Variants in DMD observed in about 807,000 individuals in gnomAD.
DMD encodes mutant dystrophin.
DMD carries 63 observed loss-of-function variants against 330.1 expected under a neutral mutation model. The ratio of observed to expected loss-of-function variants is 0.19; its 90% confidence interval spans 0.16 to 0.24. The LOEUF (loss-of-function observed/expected upper bound fraction) is 0.24. Ranked by LOEUF, DMD falls within the 10% of genes least tolerant of loss-of-function variation. DMD has a pLI of 1.00. For missense variants in DMD, 3,344 were observed against 2,684.1 expected, an observed-to-expected ratio of 1.25 and a Z score of -5.43; for synonymous variants, 1,223 against 959.8, an observed-to-expected ratio of 1.27 and a Z score of -5.07.
At chrX:32,858,361 C>T (rs1263833628) in intron 2 of DMD, among the ~76,000 whole-genome samples, 2 of 112,204 alleles carry the variant, frequency 1.8e-5, no homozygotes, top group Non-Finnish European at 3.8e-5. Flanking sequence ...GACAGAGTCT[C>T]GCTCTGTTGC....
Position 32,958,845 on chromosome X carries a change from G to A in DMD, c.93+61294C>T, listed in dbSNP as rs1056786895. The stretch of plus-strand genomic sequence containing the variant: ...TTGTAACCAGAACTTACATTATTAC[G>A]ATTGCAATATACATTATTACCAACC... On this transcript the variant is annotated intron_variant, in intron 2 of 78. Coordinates refer to ENST00000357033, the MANE Select transcript of DMD (RefSeq NM_004006.3). 7.5e-4 allele frequency among the ~76,000 whole-genome samples: 83 copies of A among 110,117 alleles called. 1 individual carries two copies. Among genetic ancestry groups the A allele is most frequent in the African/African-American group, 2.3e-3 (69 of 30,318 alleles).
At chrX:32,560,292 A>C (rs777617184) in intron 16 of DMD, among the ~76,000 whole-genome samples, 1 of 110,948 alleles carries the variant, frequency 9.0e-6, no homozygotes, top group Non-Finnish European at 1.9e-5. Flanking sequence ...GCGTAATATG[A>C]TAATTACAAT....
At chrX:32,338,682 T>C (rs533075270) in intron 41 of DMD, among the ~76,000 whole-genome samples, 1 of 111,540 alleles carries the variant, frequency 9.0e-6, no homozygotes, top group South Asian at 3.7e-4. Flanking sequence ...TGTAAGCTTA[T>C]GTTCCTTAGC....
At chrX:33,222,519 C>T (rs548509049) in intron 1 of DMD, among the ~76,000 whole-genome samples, 3 of 112,383 alleles carry the variant, frequency 2.7e-5, no homozygotes, top group East Asian at 2.8e-4. Context: ...CTCTTATTCA[C>T]GTACTGCTAC....
chrX:31,584,278 G>T (rs2076482872), intron 55 of DMD, among the ~76,000 whole-genome samples: 1 of 108,643 alleles, frequency 9.2e-6, no homozygotes, highest in Non-Finnish European at 1.9e-5. Flanking sequence ...CCCCCGACAG[G>T]CCTCAGTGTG....
At chrX:31,842,093 G>A (rs1156984802) in intron 48 of DMD, among the ~76,000 whole-genome samples, 2 of 111,716 alleles carry the variant, frequency 1.8e-5, no homozygotes, top group African/African-American at 6.5e-5. Flanking sequence ...CATAGAAAGA[G>A]GTAAATATCA....
intron 2 of DMD, among the ~76,000 whole-genome samples, chrX:32,878,597 A>C (rs1186448222): frequency 9.0e-6 from 1 of 111,644 alleles, no homozygotes; most frequent in African/African-American, 3.3e-5. Flanking sequence ...AAAATCTCTA[A>C]AAAAGTTGTG....
At chrX:31,545,026 G>A (rs932216688) in intron 55 of DMD, among the ~76,000 whole-genome samples, 10 of 111,947 alleles carry the variant, frequency 8.9e-5, no homozygotes, top group African/African-American at 3.2e-4. Flanking sequence ...CCTAGATGTG[G>A]TTTACTCTTA....
intron 1 of DMD, among the ~76,000 whole-genome samples, chrX:33,328,481 C>T (rs1285981534): frequency 1.8e-5 from 2 of 111,423 alleles, no homozygotes; most frequent in African/African-American, 6.5e-5. Context: ...CAGGCATGAG[C>T]CACCACGCCC....
chrX:32,556,743 T>C (rs749489341), intron 16 of DMD, among the ~76,000 whole-genome samples: 2 of 112,074 alleles, frequency 1.8e-5, no homozygotes, highest in East Asian at 5.6e-4. Flanking sequence ...CTGATATTCT[T>C]AATTGAAACT....
intron 1 of DMD, among the ~76,000 whole-genome samples, chrX:33,143,746 C>T (rs762591594): frequency 3.6e-5 from 4 of 111,548 alleles, no homozygotes; most frequent in African/African-American, 9.8e-5. Context: ...GAAAATTAAC[C>T]GAATGATATT....
chrX:32,922,791 AGCATAAAAAG>A (rs780434625), intron 2 of DMD, among the ~76,000 whole-genome samples: 2 of 112,055 alleles, frequency 1.8e-5, no homozygotes, highest in Admixed American at 9.4e-5. Context: ...TGGGGAGAAC[AGCATAAAAAG>A]GCAGCATTTC....
chrX:32,334,955 A>G (rs779365851), intron 41 of DMD, among the ~76,000 whole-genome samples: 1 of 111,269 alleles, frequency 9.0e-6, no homozygotes, highest in Non-Finnish European at 1.9e-5. Context: ...AGTGAGTTCA[A>G]GTTTGGCGTC....
intron 67 of DMD, among the ~76,000 whole-genome samples, chrX:31,186,280 G>T (rs989159863): frequency 9.8e-5 from 11 of 112,102 alleles, no homozygotes; most frequent in African/African-American, 2.6e-4. Flanking sequence ...ACTGAATAAA[G>T]AAAACGTGGT....
intron 9 of DMD, among the ~76,000 whole-genome samples, chrX:32,664,308 A>C (rs1209658123): frequency 4.0e-5 from 4 of 100,327 alleles, no homozygotes; most frequent in Non-Finnish European, 6.0e-5. Flanking sequence ...GTAGCGCGAT[A>C]TCCGCTCACT....
At chrX:31,636,777 C>T (rs779914663) in intron 54 of DMD, among the ~76,000 whole-genome samples, 1 of 111,495 alleles carries the variant, frequency 9.0e-6, no homozygotes, top group African/African-American at 3.3e-5. Flanking sequence ...ATTATTATTC[C>T]TTTGCTTACC....
At chrX:32,781,039 A>T (rs1477449692) in intron 7 of DMD, among the ~76,000 whole-genome samples, 4 of 107,471 alleles carry the variant, frequency 3.7e-5, no homozygotes, top group Non-Finnish European at 7.7e-5. Context: ...AATAGCGTGA[A>T]CCCGGGAGGC....
intron 42 of DMD, among the ~76,000 whole-genome samples, chrX:32,295,475 A>T (rs1344086567): frequency 1.8e-5 from 2 of 112,613 alleles, no homozygotes; most frequent in African/African-American, 6.4e-5. Flanking sequence ...ATAAGTGTTT[A>T]TTGATAATAC....
intron 1 of DMD, among the ~76,000 whole-genome samples, chrX:33,303,296 T>C (rs1183952747): frequency 2.7e-5 from 3 of 111,714 alleles, no homozygotes; most frequent in Non-Finnish European, 5.6e-5. Context: ...TTAAGTTATG[T>C]GGTATATATA....
Sources: allele counts gnomAD v4.1 joint callset (sites outside exome capture counted in the v4.1 genomes callset), GRCh38; gene constraint gnomAD v4.1.1; transcripts MANE v1.5; gene names NCBI Gene and HGNC (gene_info 2026-07-23, HGNC 2026-07-21).